CTNNA3: variants seen among roughly 807,000 people sequenced by gnomAD.
The protein encoded by CTNNA3 is catenin alpha 3.
CTNNA3 carries 76 observed loss-of-function variants against 95.7 expected under a neutral mutation model. That is an observed-to-expected ratio of 0.79 (90% CI 0.66 to 0.96). The LOEUF is 0.96. CTNNA3 is among the 40% of genes least tolerant of loss of function. The probability of loss-of-function intolerance (pLI) is 0.00; values close to 1 mark genes in which losing one functional copy is unlikely to be tolerated. For missense variants in CTNNA3, 1,191 were observed against 1,089.8 expected (o/e 1.09, Z -1.31); for synonymous variants, 431 against 374.4 (o/e 1.15, Z -1.74).
chr10:66,029,141 C>T (rs941326672), intron 15 of CTNNA3, among the ~76,000 whole-genome samples: 1 of 152,108 alleles, frequency 6.6e-6, no homozygotes, highest in African/African-American at 2.4e-5. Flanking sequence ...AAGGACACAT[C>T]ACAATTTTCC....
chr10:66,100,305 C>A (rs929513605), intron 14 of CTNNA3, among the ~76,000 whole-genome samples: 1 of 152,058 alleles, frequency 6.6e-6, no homozygotes, highest in African/African-American at 2.4e-5. Context: ...GGGTTCGTGC[C>A]TCATATAAGG....
At chr10:67,155,216 A>G (rs540900299) in intron 7 of CTNNA3, among the ~76,000 whole-genome samples, 22 of 152,326 alleles carry the variant, frequency 1.4e-4, no homozygotes, top group African/African-American at 5.3e-4. Flanking sequence ...AGCTCAATAA[A>G]TATTTATCAA....
chr10:66,757,234 T>C (rs1839395866), intron 9 of CTNNA3, among the ~76,000 whole-genome samples: 3 of 152,226 alleles, frequency 2.0e-5, no homozygotes, highest in Admixed American at 2.0e-4. Flanking sequence ...GAATTTTCTG[T>C]CTCCACCTTA....
At chr10:66,047,794 C>A (rs1589291359) in intron 15 of CTNNA3, among the ~76,000 whole-genome samples, 1 of 152,116 alleles carries the variant, frequency 6.6e-6, no homozygotes, top group African/African-American at 2.4e-5. Context: ...TATATAAAAT[C>A]AATGTACAAA....
At chr10:67,579,304 T>A (rs1412509719) in intron 3 of CTNNA3, among the ~76,000 whole-genome samples, 1 of 149,790 alleles carries the variant, frequency 6.7e-6, no homozygotes, top group Non-Finnish European at 1.5e-5. Context: ...ACATGCGGTC[T>A]TTGGTTTTCT....
intron 7 of CTNNA3, among the ~76,000 whole-genome samples, chr10:66,808,921 T>C (rs1286488473): frequency 1.3e-5 from 2 of 152,208 alleles, no homozygotes; most frequent in Non-Finnish European, 2.9e-5. Flanking sequence ...TTCAAGTGTA[T>C]ATTTAAATTA....
intron 6 of CTNNA3, among the ~76,000 whole-genome samples, chr10:67,183,927 A>C (rs907676155): frequency 3.9e-5 from 6 of 152,124 alleles, no homozygotes; most frequent in African/African-American, 1.4e-4. Context: ...ACTGAAGAAA[A>C]ATAGGTGCCC....
At chr10:66,349,082 C>T (rs149183671) in intron 12 of CTNNA3, among the ~76,000 whole-genome samples, 75 of 152,160 alleles carry the variant, frequency 4.9e-4, no homozygotes, top group African/African-American at 1.8e-3. Context: ...CTTCACAATT[C>T]GTTACATAAG....
At chr10:67,173,882 G>A (rs1589822217) in intron 7 of CTNNA3, among the ~76,000 whole-genome samples, 1 of 152,296 alleles carries the variant, frequency 6.6e-6, no homozygotes, top group East Asian at 1.9e-4. Flanking sequence ...AATCCACAAA[G>A]TGAATGACTG....
At chr10:67,267,154 C>T (rs942323508) in intron 5 of CTNNA3, among the ~76,000 whole-genome samples, 2 of 151,998 alleles carry the variant, frequency 1.3e-5, no homozygotes, top group African/African-American at 4.8e-5. Context: ...AAAACACAAA[C>T]AATTCTTAAC....
At chr10:67,258,089 TC>T (rs2132380983) in intron 5 of CTNNA3, among the ~76,000 whole-genome samples, 1 of 152,310 alleles carries the variant, frequency 6.6e-6, no homozygotes, top group African/African-American at 2.4e-5. Flanking sequence ...ACATATGCAA[TC>T]CCTCTTCAAA....
In CTNNA3 at chr10:67,305,541, T is replaced by A. The variant is rs866132438; in HGVS notation, c.580-85671A>T. ...TAGAGAATCATGGAAGAATTTTAAA[T>A]CAGGGAGTTGAAGAGTAATATTTTC... is the stretch of plus-strand genomic sequence containing the variant. On this transcript the variant is annotated intron_variant, in intron 5 of 17. Transcript: ENST00000433211. Among the ~76,000 whole-genome samples the A allele has an allele frequency of 1.6e-4, 25 of 152,100 alleles. No homozygotes were observed. The Middle Eastern group carries it at 0.01, about 62-fold the overall frequency.
In CTNNA3 at chr10:67,473,150, T is replaced by C. The variant is rs139230843; in HGVS notation, c.579+48692A>G. On this transcript the variant is annotated intron_variant, in intron 5 of 17. Transcript: ENST00000433211. ...TGAACAATATATGAAGTGAAGACTA[T>C]TATTACATGATGAAATGCTTAACTA... Among the ~76,000 whole-genome samples, 366 of 152,334 alleles carry C rather than the reference T, an allele frequency of 2.4e-3. 7 individuals are homozygous for C. The highest frequency in any genetic ancestry group is 0.021 in the Admixed American group (325 of 15,298).
At chr10:67,296,811 G>A (rs1254402825) in intron 5 of CTNNA3, among the ~76,000 whole-genome samples, 1 of 151,932 alleles carries the variant, frequency 6.6e-6, no homozygotes, top group African/African-American at 2.4e-5. Context: ...GCAGGTGCCT[G>A]TAATCCCAGC....
chr10:66,079,785 A>G (rs2080681147), intron 14 of CTNNA3, among the ~76,000 whole-genome samples: 1 of 151,994 alleles, frequency 6.6e-6, no homozygotes, highest in South Asian at 2.1e-4. Context: ...ACCAGATGCA[A>G]CACCTGTAGT....
chr10:66,548,172 C>T (rs1350539048), intron 10 of CTNNA3, among the ~76,000 whole-genome samples: 1 of 152,138 alleles, frequency 6.6e-6, no homozygotes, highest in Non-Finnish European at 1.5e-5. Flanking sequence ...CCACCTCGGC[C>T]TCCCAAAGTG....
intron 5 of CTNNA3, among the ~76,000 whole-genome samples, chr10:67,234,236 T>A (rs921931451): frequency 1.3e-5 from 2 of 152,188 alleles, no homozygotes; most frequent in African/African-American, 4.8e-5. Flanking sequence ...ACCAATATCC[T>A]TGATGAACAT....
intron 7 of CTNNA3, among the ~76,000 whole-genome samples, chr10:67,088,147 A>G (rs1857415850): frequency 6.6e-6 from 1 of 151,570 alleles, no homozygotes. Flanking sequence ...ATGGGGAGAT[A>G]AGAAATGCTT....
intron 5 of CTNNA3, among the ~76,000 whole-genome samples, chr10:67,283,593 C>G (rs1247470677): frequency 2.6e-5 from 4 of 152,166 alleles, no homozygotes; most frequent in Admixed American, 1.3e-4. Context: ...ACCCCAGAAG[C>G]ATGCTAATGA....
Sources: allele counts gnomAD v4.1 joint callset (sites outside exome capture counted in the v4.1 genomes callset), GRCh38; gene constraint gnomAD v4.1.1; transcripts MANE v1.5; gene names NCBI Gene and HGNC (gene_info 2026-07-23, HGNC 2026-07-21).